Variants in RUFY1 observed in about 807,000 individuals in gnomAD.
RUFY1 encodes RUN and FYVE domain-containing protein 1.
Under a neutral mutation model 94.6 loss-of-function variants are expected in RUFY1, and 54 were observed. That is an observed-to-expected ratio of 0.57 (90% confidence interval 0.46 to 0.72). The LOEUF is 0.72. RUFY1 is among the 30% of genes least tolerant of loss of function. The pLI, the probability that RUFY1 is intolerant of heterozygous loss-of-function variation, is 0.00. For synonymous variants in RUFY1, 396 were observed against 347.3 expected, an observed-to-expected ratio of 1.14 and a Z score of -1.56; for missense variants, 883 against 883.9, an observed-to-expected ratio of 1.00 and a Z score of 0.01.
chr5:179,595,535 T>G (rs1765547107), intron 12 of RUFY1, among the ~76,000 whole-genome samples: 1 of 151,376 alleles, frequency 6.6e-6, no homozygotes, highest in Admixed American at 6.6e-5. Flanking sequence ...CTTTTTGGTT[T>G]TTTGTTTGTT....
intron 3 of RUFY1, among the ~76,000 whole-genome samples, chr5:179,563,177 A>T (rs1348520874): frequency 1.3e-5 from 2 of 152,128 alleles, no homozygotes; most frequent in Non-Finnish European, 2.9e-5. Flanking sequence ...GGTCTTAGGG[A>T]TCCTTGAGCC....
chr5:179,568,694 C>T (rs1763007131), intron 4 of RUFY1, among the ~76,000 whole-genome samples: 1 of 152,218 alleles, frequency 6.6e-6, no homozygotes. Flanking sequence ...CCATATCCCT[C>T]ACTTTACTAA....
chr5:179,551,062 C>A lies in RUFY1; in HGVS notation c.310+183C>A, dbSNP rs1028958013. Among the ~76,000 whole-genome samples the A allele has an allele frequency of 3.1e-4, 47 of 150,366 alleles. 1 individual carries two copies. Among genetic ancestry groups the A allele is most frequent in the African/African-American group, 1.5e-4 (6 of 41,244 alleles). On this transcript the variant is annotated intron_variant, in intron 1 of 17. Transcript: ENST00000319449. ...ACTCCGGCGGCCCAGCCGAGACCGC[C>A]CCCCGCAGCCCCGCGTGCCTGAGCG...
In RUFY1 at chr5:179,569,258, G is replaced by A. The variant is rs143666197; in HGVS notation, c.705-44G>A. On this transcript the variant is annotated intron_variant, in intron 4 of 17. Coordinates refer to ENST00000319449, the MANE Select transcript of RUFY1 (RefSeq NM_025158.5). Reference sequence around the variant, plus strand: ...AGGGTGGGGAAGGAGTGGGGATGGTGAAGCTGTTTCTGAGCATCGCCCTGT... The same window carrying A: ...AGGGTGGGGAAGGAGTGGGGATGGTAAAGCTGTTTCTGAGCATCGCCCTGT... 1,060 of 1,612,926 alleles carry A rather than the reference G, an allele frequency of 6.6e-4. 9 individuals are homozygous for A. The African/African-American group carries it at 0.013, about 20-fold the overall frequency.
intron 1 of RUFY1, among the ~76,000 whole-genome samples, chr5:179,558,034 G>A (rs1193753386): frequency 6.6e-6 from 1 of 152,020 alleles, no homozygotes; most frequent in African/African-American, 2.4e-5. Flanking sequence ...TAAAACATCT[G>A]GGCATACCTA....
At chr5:179,559,725 C>T (rs1762292488) in intron 1 of RUFY1, 3 of 1,085,552 alleles carry the variant, frequency 2.8e-6, no homozygotes, top group Non-Finnish European at 3.4e-6. Flanking sequence ...AGAAGCCAAA[C>T]GCGGCGAGTC....
rs151248461 is a variant in RUFY1 at position 179,552,418 on chromosome 5, G to A, written c.310+1539G>A. Among the ~76,000 whole-genome samples, 453 of 152,238 alleles carry A rather than the reference G, an allele frequency of 3.0e-3. 1 individual carries two copies. The highest frequency in any genetic ancestry group is 0.01 in the African/African-American group (431 of 41,534). ...TTTGCTGTAGATGCACTGACCCCAG[G>A]TAGTGAATTGTGAGATTTTCAGTGG... is the stretch of plus-strand genomic sequence containing the variant. On this transcript the variant is annotated intron_variant, in intron 1 of 17. Coordinates refer to ENST00000319449, the MANE Select transcript of RUFY1 (RefSeq NM_025158.5).
rs769373650 is a variant in RUFY1 at position 179,603,279 on chromosome 5, A to AC, written c.1856+1293_1856+1294insC. 6.9e-3 allele frequency among the ~76,000 whole-genome samples: 1,043 copies of AC among 151,314 alleles called. 20 individuals are homozygous for AC. Among genetic ancestry groups the AC allele is most frequent in the African/African-American group, 0.022 (913 of 41,230 alleles). ...AGAATCCATCTCAAAAAAAAAAAAC[A>AC]AATAGCTGGTCAGGGAATCTGATGT... On this transcript the variant is annotated intron_variant, in intron 15 of 17. Coordinates refer to ENST00000319449, the MANE Select transcript of RUFY1 (RefSeq NM_025158.5).
rs1278497453 is a variant in RUFY1, at chr5:179,607,629, T to A, written c.1953T>A (p.Cys651Ter). 6.2e-7 allele frequency: 1 copy of A among 1,614,236 alleles called. No homozygotes were observed. Among genetic ancestry groups the A allele is most frequent in the Non-Finnish European group, 8.5e-7 (1 of 1,180,022 alleles). The stretch of plus-strand genomic sequence containing the variant: ...ACGAAGCGACACACTGTAGGCAGTG[T>A]GAGAAGGAGTTCTCCATTTCCCGGA... ...KDDEATHCRQ[C>*]EKEFSISRRK... The change falls in exon 17 of 18, where the codon TGT becomes TGA. Residue 651 changes from cysteine to a stop codon, truncating the protein, a stop_gained. Transcript: ENST00000319449. LOFTEE classifies it high-confidence loss of function.
intron 6 of RUFY1, among the ~76,000 whole-genome samples, chr5:179,579,657 C>CTTTTTCTTTTTT (rs1554118792): frequency 1.6e-3 from 79 of 50,546 alleles, no homozygotes; most frequent in South Asian, 6.8e-3. Context: ...TTTTCTTCTT[C>CTTTTTCTTTTTT]TTTTTTTTTT....
chr5:179,565,602 CTT>C (rs1240378003), intron 3 of RUFY1, among the ~76,000 whole-genome samples: 2 of 125,764 alleles, frequency 1.6e-5, no homozygotes, highest in African/African-American at 2.7e-5. Context: ...TTTTAAATCT[CTT>C]TGTGTATCGA....
At position 179,607,574 on chromosome 5, in the gene RUFY1, C is replaced by T. The variant is rs1448961382; in HGVS notation, c.1906-8C>T. On this transcript the variant is annotated splice_polypyrimidine_tract_variant and splice_region_variant and intron_variant, in intron 16 of 17. Transcript: ENST00000319449. Reference sequence around the variant, plus strand: ...AAAGTGGATTCTAGAATGTCCTTTCCTCTTCAGGGCCACGCCTGGCTGAAA... The same window carrying T: ...AAAGTGGATTCTAGAATGTCCTTTCTTCTTCAGGGCCACGCCTGGCTGAAA... 6.2e-6 allele frequency: 10 copies of T among 1,613,952 alleles called. No individual in the cohort carries two copies. Among genetic ancestry groups the T allele is most frequent in the South Asian group, 1.1e-5 (1 of 91,076 alleles).
Position 179,573,504 on chromosome 5 carries a change from TTTG to T in RUFY1, c.829-3560_829-3558del, listed in dbSNP as rs202238851. Among the ~76,000 whole-genome samples, 1,022 of 152,126 alleles carry T rather than the reference TTTG, an allele frequency of 6.7e-3. 14 individuals carry two copies. The highest frequency in any genetic ancestry group is 0.021 in the African/African-American group (882 of 41,510). ...CTTTCCACTCCAGTTTACCTTGTGT[TTTG>T]TTGTTGTTGTCGTTTTGTTTTTTTC... On this transcript the variant is annotated intron_variant, in intron 5 of 17. Coordinates refer to ENST00000319449, the MANE Select transcript of RUFY1 (RefSeq NM_025158.5).
chr5:179,593,144 C>T (rs888876548), intron 10 of RUFY1, among the ~76,000 whole-genome samples: 10 of 152,178 alleles, frequency 6.6e-5, no homozygotes, highest in Non-Finnish European at 1.0e-4. Context: ...GGTGTGATTT[C>T]GGCTCACTGC....
In RUFY1 at chr5:179,609,358, C is replaced by G. The variant is rs546387072; in HGVS notation, c.1984-18C>G. On this transcript the variant is annotated intron_variant, in intron 17 of 17. Coordinates refer to ENST00000319449, the MANE Select transcript of RUFY1 (RefSeq NM_025158.5). ...TTTTCCCCGGGTGTCCTGTGACCGC[C>G]TTCTTCCCGTCCTGTAGCACCACTG... The G allele has an allele frequency of 1.9e-6, 3 of 1,611,574 alleles. No homozygotes were observed. The highest frequency in any genetic ancestry group is 2.5e-6 in the Non-Finnish European group (3 of 1,179,094).
At chr5:179,551,961 C>G (rs1269318386) in intron 1 of RUFY1, among the ~76,000 whole-genome samples, 1 of 151,192 alleles carries the variant, frequency 6.6e-6, no homozygotes, top group Non-Finnish European at 1.5e-5. Flanking sequence ...GTCAAGAGAT[C>G]GAGACCATCC....
chr5:179,559,633 A>C, intron 1 of RUFY1: 1 of 991,784 alleles, frequency 1.0e-6, no homozygotes, highest in Non-Finnish European at 1.2e-6. Context: ...ACGCTTTCCC[A>C]GCACGCCCTC....
At position 179,587,556 on chromosome 5, in the gene RUFY1, TA is replaced by T. The variant is rs1764717209; in HGVS notation, c.1026+1694del. Among the ~76,000 whole-genome samples the T allele has an allele frequency of 1.0e-4, 7 of 68,382 alleles. No homozygotes were observed. In the Admixed American group the frequency reaches 1.5e-3, roughly 14 times the overall value. 44.9% of individuals were successfully genotyped at this position (68,382 alleles called of 152,430 possible). A position where few individuals can be genotyped will look rare whatever the true frequency, so the allele number is the denominator to read the frequency against. On this transcript the variant is annotated intron_variant, in intron 8 of 17. Transcript: ENST00000319449. ...ACAGGCGCCCGCCACCACGCCCGGC[TA>T]AATTTTTTTTTTTTTTTTTTTTTTA...
chr5:179,580,313 G>T (rs1764040641), intron 6 of RUFY1, among the ~76,000 whole-genome samples: 1 of 150,144 alleles, frequency 6.7e-6, no homozygotes, highest in South Asian at 2.1e-4. Context: ...CGCCATCTCG[G>T]CTCACTGCAA....
Sources: allele counts gnomAD v4.1 joint callset (sites outside exome capture counted in the v4.1 genomes callset), GRCh38; gene constraint gnomAD v4.1.1; transcripts MANE v1.5; gene names NCBI Gene and HGNC (gene_info 2026-07-23, HGNC 2026-07-21).